The following KCNMA1 variants were observed in gnomAD, a reference collection of about 807,000 sequenced individuals.
KCNMA1 encodes potassium calcium-activated channel subfamily M alpha 1.
In KCNMA1, 29 loss-of-function variants were observed where a neutral mutation model predicts 140.0. That is an observed-to-expected ratio of 0.21 (90% CI 0.15 to 0.28). The LOEUF is 0.28. Among genes scored for constraint, KCNMA1 ranks in the 10% least tolerant of loss-of-function variants. The pLI is 1.00. For synonymous variants in KCNMA1, 612 were observed against 611.9 expected (o/e 1.00, Z 0.00); for missense variants, 880 against 1,602.2 (o/e 0.55, Z 7.70).
At chr10:77,441,824 A>G (rs2097406407) in intron 1 of KCNMA1, among the ~76,000 whole-genome samples, 1 of 151,874 alleles carries the variant, frequency 6.6e-6, no homozygotes, top group African/African-American at 2.4e-5. Context: ...GCATTGGACA[A>G]TAGCCTGAGA....
At chr10:77,128,956 G>A (rs1040456328) in intron 5 of KCNMA1, among the ~76,000 whole-genome samples, 2 of 152,186 alleles carry the variant, frequency 1.3e-5, no homozygotes, top group Non-Finnish European at 2.9e-5. Flanking sequence ...CACACTTTGG[G>A]AAAACAAGGC....
chr10:77,171,784 A>G (rs2098710645), intron 5 of KCNMA1, among the ~76,000 whole-genome samples: 2 of 152,166 alleles, frequency 1.3e-5, no homozygotes, highest in Non-Finnish European at 2.9e-5. Flanking sequence ...CTCCCAGGCC[A>G]TGTGCTGGCT....
At chr10:76,911,220 T>C (rs1408730086) in intron 24 of KCNMA1, 1 of 152,154 alleles carries the variant, frequency 6.6e-6, no homozygotes, top group Non-Finnish European at 1.5e-5. Flanking sequence ...AAAAAAACTT[T>C]TGTTTACTGT....
At chr10:77,473,726 G>A (rs2098218105) in intron 1 of KCNMA1, among the ~76,000 whole-genome samples, 1 of 152,080 alleles carries the variant, frequency 6.6e-6, no homozygotes, top group African/African-American at 2.4e-5. Context: ...TCCCTGACTC[G>A]ACAGAGTGAA....
intron 8 of KCNMA1, among the ~76,000 whole-genome samples, chr10:77,109,901 C>T (rs1040943014): frequency 6.6e-6 from 1 of 152,164 alleles, no homozygotes; most frequent in Non-Finnish European, 1.5e-5. Flanking sequence ...CCCTTATTAA[C>T]AGCATCACTT....
chr10:77,025,283 CACACACACATAT>C (rs2093344424), intron 16 of KCNMA1, among the ~76,000 whole-genome samples: 1 of 64,656 alleles, frequency 1.5e-5, no homozygotes, highest in African/African-American at 5.3e-5. Flanking sequence ...TATATATATA[CACACACACATAT>C]ATAATATAGA....
At chr10:76,898,188 G>C (rs2043444101) in intron 25 of KCNMA1, among the ~76,000 whole-genome samples, 2 of 151,620 alleles carry the variant, frequency 1.3e-5, no homozygotes, top group Admixed American at 6.6e-5. Flanking sequence ...ATCAAACTCT[G>C]ATATCTTTAA....
chr10:77,203,136 C>G (rs1337589520), intron 3 of KCNMA1, among the ~76,000 whole-genome samples: 1 of 152,156 alleles, frequency 6.6e-6, no homozygotes, highest in Non-Finnish European at 1.5e-5. Context: ...GGATAAACAA[C>G]TAGAACAGCT....
intron 14 of KCNMA1, among the ~76,000 whole-genome samples, chr10:77,061,760 G>A (rs1433562880): frequency 1.3e-5 from 2 of 152,164 alleles, no homozygotes; most frequent in African/African-American, 4.8e-5. Flanking sequence ...ACTAAATGGT[G>A]TCCAATGGAT....
chr10:77,309,443 C>T (rs1024329530), intron 2 of KCNMA1: 1 of 152,238 alleles, frequency 6.6e-6, no homozygotes, highest in Non-Finnish European at 1.5e-5. Context: ...AGTAAAACCG[C>T]CACGTTGTGA....
chr10:77,082,002 CTTTTCTTTTTTTTTTTTTTTTTTTT>C (rs1431641913), intron 12 of KCNMA1, among the ~76,000 whole-genome samples: 9 of 51,692 alleles, frequency 1.7e-4, no homozygotes, highest in South Asian at 1.3e-3. Flanking sequence ...TTCTTTTTTT[CTTTTCTTTTTTTTTTTTTTTTTTTT>C]TTTTTTTTTT....
intron 6 of KCNMA1, among the ~76,000 whole-genome samples, chr10:77,113,515 G>T (rs2097374349): frequency 6.6e-6 from 1 of 152,088 alleles, no homozygotes; most frequent in Admixed American, 6.5e-5. Flanking sequence ...CCAGGCTGGA[G>T]TGCAGTGGCA....
At chr10:77,146,307 T>C (rs2098289196) in intron 5 of KCNMA1, among the ~76,000 whole-genome samples, 1 of 152,074 alleles carries the variant, frequency 6.6e-6, no homozygotes, top group Non-Finnish European at 1.5e-5. Flanking sequence ...GTGCCTTGGG[T>C]TCAAATGGAT....
rs1481714562 is a variant in KCNMA1 at position 77,324,963 on chromosome 10, CTCTCTCTCTGTGTGTGTGTG to C, written c.541-73727_541-73708del. Among the ~76,000 whole-genome samples, 357 of 104,488 alleles carry C rather than the reference CTCTCTCTCTGTGTGTGTGTG, an allele frequency of 3.4e-3. 2 individuals are homozygous for C. The highest frequency in any genetic ancestry group is 0.013 in the African/African-American group (270 of 20,546). The allele number at this position is 104,488 out of a possible 152,430, so 68.5% of individuals were successfully genotyped here. On this transcript the variant is annotated intron_variant, in intron 2 of 27. Transcript: ENST00000286628. ...AGACTCTCTCTCTCTCTCTCTCTCT[CTCTCTCTCTGTGTGTGTGTG>C]TGTGTGTGTGTGTGTGTGTGTGTGT...
rs113009264 is a variant in KCNMA1, at chr10:77,315,390, C to T, written c.541-64134G>A. Reference sequence around the variant, plus strand: ...AGCATGCTGATAACTATTACAGATACGTGATTATTCTCGGTTCTGTTGATG... The same window carrying T: ...AGCATGCTGATAACTATTACAGATATGTGATTATTCTCGGTTCTGTTGATG... On this transcript the variant is annotated intron_variant, in intron 2 of 27. Coordinates refer to ENST00000286628, the MANE Select transcript of KCNMA1 (RefSeq NM_001161352.2). 115 of 152,296 alleles carry T rather than the reference C, an allele frequency of 7.6e-4. 1 individual carries two copies. The highest frequency in any genetic ancestry group is 2.6e-3 in the African/African-American group (109 of 41,560). 9.4% of individuals were successfully genotyped at this position (152,296 alleles called of 1,614,324 possible).
intron 2 of KCNMA1, among the ~76,000 whole-genome samples, chr10:77,279,751 G>A (rs2067840922): frequency 6.6e-6 from 1 of 152,070 alleles, no homozygotes; most frequent in Non-Finnish European, 1.5e-5. Context: ...TCATGGGGCA[G>A]GTCTTTCCCA....
At chr10:76,876,236 G>A (rs532136926), downstream of KCNMA1, 140 of 152,704 alleles carry the variant, frequency 9.2e-4, 1 homozygote, top group African/African-American at 3.1e-3. Flanking sequence ...ATGAAACTTC[G>A]GGGAGATACT....
chr10:77,601,426 T>C (rs980741754), intron 1 of KCNMA1, among the ~76,000 whole-genome samples: 10 of 152,166 alleles, frequency 6.6e-5, no homozygotes, highest in African/African-American at 2.4e-4. Context: ...ACTCTCTAAA[T>C]GGTGAAGTGA....
chr10:77,038,798 C>T (rs1457705656), intron 15 of KCNMA1, among the ~76,000 whole-genome samples: 1 of 152,148 alleles, frequency 6.6e-6, no homozygotes, highest in Non-Finnish European at 1.5e-5. Context: ...ACCTCAGCTT[C>T]TAAAAGTGGT....
Sources: gnomAD v4.1 joint callset for allele counts (sites outside exome capture counted in the v4.1 genomes callset) on GRCh38, gnomAD v4.1.1 for gene constraint, MANE v1.5 for transcripts, NCBI Gene and HGNC (gene_info 2026-07-23, HGNC 2026-07-21) for gene names.